The following COL18A1 variants were observed in gnomAD, a reference collection of about 807,000 sequenced individuals.
COL18A1 encodes the protein collagen alpha-1(XVIII) chain.
Under a neutral mutation model 168.0 loss-of-function variants are expected in COL18A1, and 133 were observed. The ratio of observed to expected loss-of-function variants is 0.79; its 90% CI spans 0.69 to 0.91. The LOEUF is 0.91. COL18A1 is among the 40% of genes least tolerant of loss of function. The pLI is 0.00. For missense variants in COL18A1, 2,126 were observed against 1,925.4 expected, an observed-to-expected ratio of 1.10 and a Z score of -1.95; for synonymous variants, 949 against 809.0, an observed-to-expected ratio of 1.17 and a Z score of -2.94.
At chr21:45,510,954 A>ACACATCCACAACC (rs2037548187) in intron 40 of COL18A1, among the ~76,000 whole-genome samples, 157 bp from the exon 41 acceptor site, 3 of 6,286 alleles carry the variant, frequency 4.8e-4, no homozygotes, top group African/African-American at 1.6e-3. Context: ...CACCCACAAC[A>ACACATCCACAACC]CCCCACATAC....
At chr21:45,475,449 C>G in intron 4 of COL18A1, 27 bp from the exon 5 acceptor site, 1 of 1,577,786 alleles carries the variant, frequency 6.3e-7, no homozygotes, top group Non-Finnish European at 8.6e-7. Context: ...GCCATCTCTC[C>G]AGCCTTTCCC....
At chr21:45,455,528 C>T in intron 2 of COL18A1, 1 of 1,612,752 alleles carries the variant, frequency 6.2e-7, no homozygotes, top group Non-Finnish European at 8.5e-7. Flanking sequence ...CCGCACTGCC[C>T]CGATGGCTCC....
chr21:45,406,326 C>G (rs114375941), intron 2 of COL18A1, among the ~76,000 whole-genome samples: 195 of 152,350 alleles, frequency 1.3e-3, no homozygotes, highest in African/African-American at 4.5e-3. Flanking sequence ...CTCGACTCCA[C>G]ACCTGCTTGC....
intron 15 of COL18A1, among the ~76,000 whole-genome samples, chr21:45,486,098 G>C (rs12106339): frequency 0.093 from 14,195 of 152,262 alleles, 890 homozygotes; most frequent in African/African-American, 0.18. Context: ...ACTCCAGGTG[G>C]CTGGGGCCTT....
chr21:45,454,634 G>A (rs1011830267), intron 2 of COL18A1, among the ~76,000 whole-genome samples: 1 of 152,210 alleles, frequency 6.6e-6, no homozygotes, highest in Non-Finnish European at 1.5e-5. Flanking sequence ...CTGTGAAATG[G>A]GCCGATGGCC....
chr21:45,470,162 C>T (rs753601788), intron 3 of COL18A1, among the ~76,000 whole-genome samples: 5 of 152,210 alleles, frequency 3.3e-5, no homozygotes, highest in African/African-American at 7.2e-5. Context: ...TCCTCATCAG[C>T]GAAGTCCCGT....
chr21:45,406,259 G>T (rs2033106135), intron 2 of COL18A1, among the ~76,000 whole-genome samples: 1 of 152,188 alleles, frequency 6.6e-6, no homozygotes, highest in African/African-American at 2.4e-5. Flanking sequence ...GGGCCTGGGT[G>T]CCTTGTCGCG....
chr21:45,509,478 C>A lies in COL18A1; in HGVS notation c.3372C>A (p.Ser1124Arg), dbSNP rs759202379. The A allele has an allele frequency of 6.6e-7, 1 of 1,523,412 alleles. No individual in the cohort carries two copies. Among genetic ancestry groups the A allele is most frequent in the Non-Finnish European group, 8.8e-7 (1 of 1,131,770 alleles). The allele number at this position is 1,523,412 out of a possible 1,614,324, so 94.4% of individuals were successfully genotyped here. A position where few individuals can be genotyped will look rare whatever the true frequency, so the allele number is the denominator to read the frequency against. ...GGCGGGCAGATGACATCCTGGCCAG[C>A]CCCCCTCGCCTGCCCGAGCCCCAGC... The part of the protein sequence containing the change: ...RPWRADDILA[S>R]PPRLPEPQPY... The change falls in exon 39 of 42, where the codon AGC becomes AGA. Residue 1124 changes from serine to arginine, a missense_variant. By Grantham distance (110) the Ser-to-Arg change is moderately radical. Transcript: ENST00000651438.
At chr21:45,466,450 G>A (rs1041058099) in intron 2 of COL18A1, among the ~76,000 whole-genome samples, 1 of 152,214 alleles carries the variant, frequency 6.6e-6, no homozygotes, top group Non-Finnish European at 1.5e-5. Context: ...CCATACCCAG[G>A]AAGGTTGAGC....
chr21:45,497,215 C>T (rs2036573082), intron 31 of COL18A1, 123 bp downstream of exon 31: 5 of 741,030 alleles, frequency 6.7e-6, no homozygotes, highest in Admixed American at 3.9e-5. Flanking sequence ...TGCTACACGC[C>T]CAGCCCACGC....
rs772458227 is a variant in COL18A1, at chr21:45,509,469, C to T, written c.3363C>T (p.Ile1121=). Reference sequence around the variant, plus strand: ...CGCGGCCCTGGCGGGCAGATGACATCCTGGCCAGCCCCCCTCGCCTGCCCG... The same window carrying T: ...CGCGGCCCTGGCGGGCAGATGACATTCTGGCCAGCCCCCCTCGCCTGCCCG... The part of the protein sequence containing the change: ...PTARPWRADD[I]LASPPRLPEP... Residue 1121 remains isoleucine, a synonymous_variant, in exon 39 of 42, where the codon ATC becomes ATT. Coordinates refer to ENST00000651438, the MANE Select transcript of COL18A1 (RefSeq NM_001379500.1). The T allele has an allele frequency of 7.8e-6, 12 of 1,528,912 alleles. No homozygotes were observed. The highest frequency in any genetic ancestry group is 4.8e-5 in the East Asian group (2 of 41,246). 94.7% of individuals were successfully genotyped at this position (1,528,912 alleles called of 1,614,324 possible). A position where few individuals can be genotyped will look rare whatever the true frequency, so the allele number is the denominator to read the frequency against.
chr21:45,468,129 TC>T, intron 2 of COL18A1, 112 bp from the exon 3 acceptor site: 1 of 1,184,496 alleles, frequency 8.4e-7, no homozygotes, highest in South Asian at 1.4e-5. Flanking sequence ...TGGAGAGCCC[TC>T]CCAGACTCAG....
rs555239781 is a variant in COL18A1 at position 45,498,133 on chromosome 21, G to A, written c.2683+472G>A. The A allele has an allele frequency of 4.0e-3, 2,585 of 641,456 alleles. 12 individuals carry two copies. Among genetic ancestry groups the A allele is most frequent in the Admixed American group, 6.7e-3 (279 of 41,840 alleles). 39.7% of individuals were successfully genotyped at this position (641,456 alleles called of 1,614,324 possible). On this transcript the variant is annotated intron_variant, in intron 32 of 41. Coordinates refer to ENST00000651438, the MANE Select transcript of COL18A1 (RefSeq NM_001379500.1). This position sits in a 1 kb window ranked among gnomAD's most constrained non-coding sequence, Gnocchi z 4.5. ...CCAAAGGACAAGAATTCCCCCCTGA[G>A]CCCCACCTCCATTGAGGGTGGCAGG...
chr21:45,507,741 TGCAGGACACCCCACTACCTCTGTCTCAGC>T (rs1277817923), intron 38 of COL18A1, 148 bp downstream of exon 38: 1 of 773,752 alleles, frequency 1.3e-6, no homozygotes, highest in Non-Finnish European at 2.2e-6. Context: ...CAGAAACTGG[TGCAGGACACCCCACTACCTCTGTCTCAGC>T]GCTGGCCCCC....
chr21:45,505,176 G>A lies in COL18A1; in HGVS notation c.2911G>A (p.Gly971Arg). 6.2e-7 allele frequency: 1 copy of A among 1,606,320 alleles called. No individual in the cohort carries two copies. Among genetic ancestry groups the A allele is most frequent in the Non-Finnish European group, 8.5e-7 (1 of 1,177,466 alleles). Residue 971 changes from glycine (G) to arginine (R), a missense_variant, in exon 35 of 42, where the codon GGA becomes AGA. By Grantham distance (125) the Gly-to-Arg change is moderately radical (BLOSUM62 -2). Transcript: ENST00000651438. The stretch of plus-strand genomic sequence containing the variant: ...CATCCGGGGCCAGCCCGGCCCACCT[G>A]GACCTCAGGGACCCCCCGGCATCGG... ...ESIRGQPGPP[G>R]PQGPPGIGYE...
At chr21:45,462,972 C>T (rs1038862089) in intron 2 of COL18A1, among the ~76,000 whole-genome samples, 2 of 152,170 alleles carry the variant, frequency 1.3e-5, no homozygotes, top group Admixed American at 6.5e-5. Context: ...CTTCTCAGGT[C>T]TTTTCTGAGC....
chr21:45,418,024 G>A (rs1169327522), intron 2 of COL18A1, among the ~76,000 whole-genome samples: 1 of 152,228 alleles, frequency 6.6e-6, no homozygotes, highest in Non-Finnish European at 1.5e-5. Flanking sequence ...ACCGAGAAGG[G>A]CAGGTGCCTG....
chr21:45,500,547 T>G (rs1162068496), intron 32 of COL18A1, among the ~76,000 whole-genome samples: 2 of 44,910 alleles, frequency 4.5e-5, no homozygotes, highest in South Asian at 7.9e-4. Flanking sequence ...TGTGGTTTGG[T>G]GTGTGTTGGG....
In COL18A1 at chr21:45,414,123, C is replaced by T. The variant is rs529611435; in HGVS notation, c.106+8650C>T. 3.6e-3 allele frequency among the ~76,000 whole-genome samples: 553 copies of T among 152,228 alleles called. 5 individuals are homozygous for T. Among genetic ancestry groups the T allele is most frequent in the African/African-American group, 0.013 (536 of 41,538 alleles). On this transcript the variant is annotated intron_variant, in intron 2 of 41. Transcript: ENST00000651438. ...ATTGGATGCACCGCCTGGCCCCAGGCCCTCCTGCCCAGCCTTGTGGCTCTG... is the reference window on the plus strand; with the variant it reads ...ATTGGATGCACCGCCTGGCCCCAGGTCCTCCTGCCCAGCCTTGTGGCTCTG...
Sources: gnomAD v4.1 joint callset for allele counts (sites outside exome capture counted in the v4.1 genomes callset) on GRCh38, gnomAD v4.1.1 for gene constraint, Gnocchi (gnomAD v3.1) non-coding constraint, MANE v1.5 for transcripts, NCBI Gene and HGNC (gene_info 2026-07-23, HGNC 2026-07-21) for gene names.